The following BBS7 variants were observed in gnomAD, a reference collection of about 807,000 sequenced individuals.
BBS7 encodes the protein Bardet-Biedl syndrome 7.
A neutral mutation model predicts 90.3 loss-of-function variants in BBS7; 50 were observed. The ratio of observed to expected loss-of-function variants is 0.55; its 90% CI spans 0.44 to 0.70. BBS7 has a LOEUF of 0.70. BBS7 is among the 30% of genes least tolerant of loss of function. BBS7 has a pLI of 0.00. For synonymous variants in BBS7, 235 were observed against 287.4 expected (o/e 0.82, Z 1.85); for missense variants, 729 against 838.9 (o/e 0.87, Z 1.62).
intron 14 of BBS7, among the ~76,000 whole-genome samples, chr4:121,834,904 T>C (rs1348908536): frequency 6.6e-6 from 1 of 152,146 alleles, no homozygotes; most frequent in African/African-American, 2.4e-5. Context: ...AGAACTGCTA[T>C]TCTAATAATC....
At chr4:121,855,843 C>T (rs1054633656) in intron 5 of BBS7, among the ~76,000 whole-genome samples, 2 of 86,114 alleles carry the variant, frequency 2.3e-5, no homozygotes, top group Admixed American at 1.3e-4. Flanking sequence ...CATATGTATA[C>T]ATATATGCAC....
intron 1 of BBS7, among the ~76,000 whole-genome samples, chr4:121,869,190 T>C: frequency 6.6e-6 from 1 of 152,186 alleles, no homozygotes; most frequent in East Asian, 1.9e-4. Context: ...GATATGGAAG[T>C]ACATAGCATA....
intron 2 of BBS7, among the ~76,000 whole-genome samples, chr4:121,866,567 A>G (rs1458771436): frequency 1.3e-5 from 2 of 152,052 alleles, no homozygotes; most frequent in Non-Finnish European, 1.5e-5. Context: ...ACCTGGCCAC[A>G]TTTAGGTCTC....
At chr4:121,854,921 A>G in intron 6 of BBS7, 101 bp from the exon 7 acceptor site, 1 of 1,092,838 alleles carries the variant, frequency 9.2e-7, no homozygotes, top group Non-Finnish European at 1.3e-6. Context: ...AAAAAGTACT[A>G]TAAAAAGATA....
At chr4:121,851,062 G>A (rs1407615096) in intron 8 of BBS7, among the ~76,000 whole-genome samples, 1 of 152,056 alleles carries the variant, frequency 6.6e-6, no homozygotes, top group Non-Finnish European at 1.5e-5. Context: ...TTAATTTACT[G>A]AACACAAAAC....
intron 15 of BBS7, 146 bp from the exon 16 acceptor site, chr4:121,828,874 T>C: frequency 1.9e-6 from 1 of 519,102 alleles, no homozygotes; most frequent in East Asian, 3.2e-5. Flanking sequence ...TAAAGCAAAT[T>C]TAAACATGTA....
rs530819337 is a variant in BBS7 at position 121,844,016 on chromosome 4, A to T, written c.1231-15T>A. 71 of 1,424,962 alleles carry T rather than the reference A, an allele frequency of 5.0e-5. No individual in the cohort carries two copies. Among genetic ancestry groups the T allele is most frequent in the Admixed American group, 7.7e-5 (4 of 52,198 alleles). 88.3% of individuals were successfully genotyped at this position (1,424,962 alleles called of 1,614,324 possible). On this transcript the variant is annotated splice_polypyrimidine_tract_variant and intron_variant, in intron 11 of 18. Coordinates refer to ENST00000264499, the MANE Select transcript of BBS7 (RefSeq NM_176824.3). ...GGAACATCACTCTATAGTCAATATT[A>T]AAAAAAAAGAAGGTTGAGATGGAAA...
At chr4:121,840,281 CCG>C (rs1428918605) in intron 12 of BBS7, among the ~76,000 whole-genome samples, 1 of 152,208 alleles carries the variant, frequency 6.6e-6, no homozygotes, top group East Asian at 1.9e-4. Context: ...CTTTCACCTT[CCG>C]CCATGATTGT....
At chr4:121,865,485 C>T (rs975330652) in intron 2 of BBS7, among the ~76,000 whole-genome samples, 2 of 152,114 alleles carry the variant, frequency 1.3e-5, no homozygotes, top group South Asian at 2.1e-4. Context: ...GTGATCCGCC[C>T]GCCTCAGCCT....
At chr4:121,854,121 C>T (rs1440239863) in intron 7 of BBS7, among the ~76,000 whole-genome samples, 1 of 152,212 alleles carries the variant, frequency 6.6e-6, no homozygotes, top group Non-Finnish European at 1.5e-5. Flanking sequence ...CTTCTACCAT[C>T]ACTCTCTAAT....
At chr4:121,833,163 T>A in intron 15 of BBS7, 68 bp downstream of exon 15, 1 of 1,503,360 alleles carries the variant, frequency 6.7e-7, no homozygotes, top group Non-Finnish European at 9.2e-7. Context: ...ACTCCTAACT[T>A]AAAGGAAAAC....
intron 5 of BBS7, among the ~76,000 whole-genome samples, chr4:121,856,822 T>C (rs551590597): frequency 6.6e-6 from 1 of 152,042 alleles, no homozygotes; most frequent in South Asian, 2.1e-4. Flanking sequence ...CAGGCTGAAA[T>C]GCAATGCTGT....
At chr4:121,863,641 A>AT (rs1451535726) in intron 2 of BBS7, among the ~76,000 whole-genome samples, 2 of 151,638 alleles carry the variant, frequency 1.3e-5, no homozygotes, top group South Asian at 2.1e-4. Context: ...CTACAAAGTA[A>AT]TTTTTTTTTC....
At chr4:121,838,718 G>A (rs1327695770) in intron 13 of BBS7, among the ~76,000 whole-genome samples, 7 of 150,088 alleles carry the variant, frequency 4.7e-5, no homozygotes, top group South Asian at 4.2e-4. Flanking sequence ...GCAAAACCCC[G>A]TCCCTAAAAA....
At chr4:121,849,498 G>A (rs1023012484) in intron 8 of BBS7, among the ~76,000 whole-genome samples, 2 of 152,140 alleles carry the variant, frequency 1.3e-5, no homozygotes, top group African/African-American at 4.8e-5. Flanking sequence ...ACAGCGCCCC[G>A]CCAGTTTATT....
chr4:121,842,197 G>T (rs1347080181), intron 12 of BBS7, among the ~76,000 whole-genome samples: 4 of 143,364 alleles, frequency 2.8e-5, no homozygotes, highest in Non-Finnish European at 4.5e-5. Flanking sequence ...AGGTTGCAGT[G>T]AGCTGAGATT....
chr4:121,830,813 T>C (rs1196638257), intron 15 of BBS7, among the ~76,000 whole-genome samples: 1 of 152,212 alleles, frequency 6.6e-6, no homozygotes, highest in African/African-American at 2.4e-5. Flanking sequence ...ACCTATTATG[T>C]GCAAAACTAT....
intron 5 of BBS7, among the ~76,000 whole-genome samples, chr4:121,858,333 T>A (rs1238881156): frequency 6.6e-6 from 1 of 151,742 alleles, no homozygotes; most frequent in Non-Finnish European, 1.5e-5. Flanking sequence ...TGTTACATGC[T>A]ATTTACCTTT....
rs2706793 is a variant in BBS7, at chr4:121,828,281, G to T, written c.1891-12C>A. 1,196,944 of 1,609,298 alleles carry T rather than the reference G, an allele frequency of 0.74. 447,429 individuals are homozygous for T. The highest frequency in any genetic ancestry group is 0.89 in the African/African-American group (66,842 of 74,866). The stretch of plus-strand genomic sequence containing the variant: ...TGAATCTGTAATTCCTATTTAAAAT[G>T]AAAAACAGAAGCACCTTAATATTCA... On this transcript the variant is annotated splice_polypyrimidine_tract_variant and intron_variant, in intron 17 of 18. Coordinates refer to ENST00000264499, the MANE Select transcript of BBS7 (RefSeq NM_176824.3).
Sources: allele counts gnomAD v4.1 joint callset (sites outside exome capture counted in the v4.1 genomes callset), GRCh38; gene constraint gnomAD v4.1.1; transcripts MANE v1.5; gene names NCBI Gene and HGNC (gene_info 2026-07-23, HGNC 2026-07-21).